Variants in CCM2 observed in about 807,000 individuals in gnomAD.
CCM2 encodes cerebral cavernous malformations 2 protein.
A neutral mutation model predicts 44.9 loss-of-function variants in CCM2; 25 were observed. The observed-to-expected ratio is 0.56, with a 90% CI of 0.41 to 0.78. The LOEUF (loss-of-function observed/expected upper bound fraction) is 0.78. CCM2 is among the 30% of genes least tolerant of loss of function. The probability of loss-of-function intolerance (pLI) is 0.00; values close to 1 mark genes in which losing one functional copy is unlikely to be tolerated. For missense variants in CCM2, 481 were observed against 580.6 expected (o/e 0.83, Z 1.76); for synonymous variants, 219 against 241.1 (o/e 0.91, Z 0.85).
intron 9 of CCM2, among the ~76,000 whole-genome samples, 160 bp downstream of exon 9, chr7:45,074,568 T>C (rs1482662598): frequency 6.6e-6 from 1 of 152,022 alleles, no homozygotes; most frequent in African/African-American, 2.4e-5. Context: ...AGTCCAGAGA[T>C]CGGGGAATCT....
chr7:45,023,787 G>GTTTTTTT lies in CCM2; in HGVS notation c.31-14434_31-14428dup, dbSNP rs10596429. 2.6e-4 allele frequency among the ~76,000 whole-genome samples: 15 copies of GTTTTTTT among 58,640 alleles called. 1 individual carries two copies. Among genetic ancestry groups the GTTTTTTT allele is most frequent in the Admixed American group, 4.8e-4 (2 of 4,166 alleles). 38.5% of individuals were successfully genotyped at this position (58,640 alleles called of 152,430 possible). A position where few individuals can be genotyped will look rare whatever the true frequency, so the allele number is the denominator to read the frequency against. Reference sequence around the variant, plus strand: ...TCATTATTTTGATAGCTCTGTATCAGTTTTTTTTTTTTTTTTTTTTTTTTT... The same window carrying GTTTTTTT: ...TCATTATTTTGATAGCTCTGTATCAGTTTTTTTTTTTTTTTTTTTTTTTTTTTTTTTT... On this transcript the variant is annotated intron_variant, in intron 1 of 9. Transcript: ENST00000258781.
At position 45,075,776 on chromosome 7, in the gene CCM2, G is replaced by A. The variant is rs1784207117; in HGVS notation, c.1055-1G>A. ...CCATGCTGGGTGTTGTGTGTCTGCA[G>A]GTCTGAGGCCCTTCATCCCTGAGAA... On this transcript the variant is annotated splice_acceptor_variant, in intron 9 of 9. Transcript: ENST00000258781. LOFTEE classifies it high-confidence loss of function. 6.2e-7 allele frequency: 1 copy of A among 1,613,546 alleles called. No individual in the cohort carries two copies. Among genetic ancestry groups the A allele is most frequent in the African/African-American group, 1.3e-5 (1 of 74,906 alleles).
At chr7:45,059,253 T>C (rs529810447) in intron 2 of CCM2, among the ~76,000 whole-genome samples, 2 of 152,228 alleles carry the variant, frequency 1.3e-5, no homozygotes, top group Admixed American at 6.5e-5. Flanking sequence ...TGTATAATTA[T>C]TAATACATTA....
intron 8 of CCM2, chr7:45,074,028 A>G (rs974930093): frequency 3.5e-5 from 27 of 778,026 alleles, no homozygotes; most frequent in South Asian, 1.7e-4. Context: ...CCTCCCATGC[A>G]CTCTGTGTTC....
At chr7:45,064,036 T>G in intron 3 of CCM2, 35 bp downstream of exon 3, 1 of 1,452,362 alleles carries the variant, frequency 6.9e-7, no homozygotes, top group Non-Finnish European at 9.7e-7. Context: ...GCACTAGCCC[T>G]CAGCCCCCAC....
intron 1 of CCM2, among the ~76,000 whole-genome samples, chr7:45,009,766 A>G (rs1795995412): frequency 1.3e-5 from 2 of 152,000 alleles, no homozygotes; most frequent in South Asian, 4.1e-4. Context: ...CCATCAACTC[A>G]TTTTATTTTT....
chr7:45,062,872 A>T (rs891713672), intron 2 of CCM2, among the ~76,000 whole-genome samples: 2 of 151,530 alleles, frequency 1.3e-5, no homozygotes, highest in African/African-American at 2.4e-5. Context: ...AGGAGGTTTA[A>T]GGTTGAAGGG....
chr7:45,009,822 T>A (rs1795997566), intron 1 of CCM2, among the ~76,000 whole-genome samples: 1 of 152,198 alleles, frequency 6.6e-6, no homozygotes, highest in Non-Finnish European at 1.5e-5. Flanking sequence ...CACTTTGATC[T>A]AAATACATTA....
intron 6 of CCM2, chr7:45,072,000 C>T: frequency 2.7e-6 from 1 of 376,236 alleles, no homozygotes; most frequent in Admixed American, 3.3e-5. Context: ...TTCCTAGTGC[C>T]AGAAATGTCC....
rs1183892919 is a variant in CCM2, at chr7:45,000,250, G to C, written c.-84G>C. ...GCGGCGCCGGGAGCGCGGGGGCGGC[G>C]GGCCCGGGTCGAGCATGTAGCGGCT... On this transcript the variant is annotated 5_prime_UTR_variant, in exon 1 of 10. Transcript: ENST00000258781. 2.3e-6 allele frequency: 2 copies of C among 872,788 alleles called. No homozygotes were observed. The highest frequency in any genetic ancestry group is 2.8e-6 in the Non-Finnish European group (2 of 711,846). 54.1% of individuals were successfully genotyped at this position (872,788 alleles called of 1,614,324 possible). A position where few individuals can be genotyped will look rare whatever the true frequency, so the allele number is the denominator to read the frequency against.
chr7:45,012,615 G>A (rs1331904164), intron 1 of CCM2, among the ~76,000 whole-genome samples: 2 of 152,072 alleles, frequency 1.3e-5, no homozygotes, highest in Non-Finnish European at 2.9e-5. Context: ...GAGAGCAGTA[G>A]TATGATCATA....
At chr7:45,072,086 A>G (rs1316485693) in intron 6 of CCM2, 1 of 351,816 alleles carries the variant, frequency 2.8e-6, no homozygotes, top group Non-Finnish European at 5.6e-6. Flanking sequence ...CCTCGCTCAC[A>G]AAGCTTTCAC....
chr7:44,999,833 G>A (rs1337847527), upstream of CCM2: 2 of 442,080 alleles, frequency 4.5e-6, no homozygotes, highest in East Asian at 7.2e-5. Flanking sequence ...CGCTGAGTGG[G>A]CGGAGCGAAC....
intron 1 of CCM2, among the ~76,000 whole-genome samples, chr7:45,029,055 A>G (rs1337450897): frequency 6.6e-6 from 1 of 152,184 alleles, no homozygotes; most frequent in African/African-American, 2.4e-5. Flanking sequence ...TCTCAGACCC[A>G]GGCACTGAGT....
chr7:45,056,779 C>T lies in CCM2; in HGVS notation c.205-7139C>T, dbSNP rs868406431. On this transcript the variant is annotated intron_variant, in intron 2 of 9. Coordinates refer to ENST00000258781, the MANE Select transcript of CCM2 (RefSeq NM_031443.4). ...TCTCCCATACTGTGGGTTTTTTCAC[C>T]GTGTTGATTGTATTCTTTGGCGCAC... Among the ~76,000 whole-genome samples, 9 of 152,044 alleles carry T rather than the reference C, an allele frequency of 5.9e-5. No homozygotes were observed. The South Asian group carries it at 8.3e-4, about 14-fold the overall frequency.
At chr7:45,041,581 A>G (rs1218696539) in intron 2 of CCM2, among the ~76,000 whole-genome samples, 1 of 152,160 alleles carries the variant, frequency 6.6e-6, no homozygotes. Context: ...TGACCAAAGG[A>G]CCAGGAAAGG....
At chr7:45,021,090 G>A (rs1291997426) in intron 1 of CCM2, among the ~76,000 whole-genome samples, 4 of 151,994 alleles carry the variant, frequency 2.6e-5, no homozygotes, top group Admixed American at 2.6e-4. Flanking sequence ...AGGTCAGGTG[G>A]ATTTAAAGCT....
chr7:45,055,774 C>T (rs1798229148), intron 2 of CCM2, among the ~76,000 whole-genome samples: 1 of 152,248 alleles, frequency 6.6e-6, no homozygotes, highest in African/African-American at 2.4e-5. Context: ...ACCATCAGCA[C>T]TATCCATCTC....
At chr7:45,047,792 T>A (rs11766550) in intron 2 of CCM2, among the ~76,000 whole-genome samples, 2,463 of 152,264 alleles carry the variant, frequency 0.016, 34 homozygotes, top group Non-Finnish European at 0.025. Flanking sequence ...CATGTCCTGG[T>A]GTGATGTGCT....
Sources: gnomAD v4.1 joint callset for allele counts (sites outside exome capture counted in the v4.1 genomes callset) on GRCh38, gnomAD v4.1.1 for gene constraint, MANE v1.5 for transcripts, NCBI Gene and HGNC (gene_info 2026-07-23, HGNC 2026-07-21) for gene names.